Variants in CTNNA3 observed in about 807,000 individuals in gnomAD.
CTNNA3 encodes catenin alpha 3.
Under a neutral mutation model 95.7 loss-of-function variants are expected in CTNNA3, and 76 were observed. The observed-to-expected ratio is 0.79, with a 90% CI of 0.66 to 0.96. CTNNA3 has a LOEUF of 0.96. CTNNA3 is among the 40% of genes least tolerant of loss of function. CTNNA3 has a pLI of 0.00. For synonymous variants in CTNNA3, 431 were observed against 374.4 expected, an observed-to-expected ratio of 1.15 and a Z score of -1.74; for missense variants, 1,191 against 1,089.8, an observed-to-expected ratio of 1.09 and a Z score of -1.31.
At chr10:66,561,348 C>G (rs1842547399) in intron 10 of CTNNA3, among the ~76,000 whole-genome samples, 1 of 152,054 alleles carries the variant, frequency 6.6e-6, no homozygotes, top group South Asian at 2.1e-4. Context: ...TTACATCTAA[C>G]AATTATTATT....
intron 8 of CTNNA3, 69 bp from the exon 9 acceptor site, chr10:66,766,485 A>T: frequency 7.2e-7 from 1 of 1,382,246 alleles, no homozygotes; most frequent in Non-Finnish European, 9.9e-7. Flanking sequence ...CTTTTCTTAC[A>T]ATCTCAGTAG....
intron 3 of CTNNA3, among the ~76,000 whole-genome samples, chr10:67,579,922 T>C (rs1842319529): frequency 6.6e-6 from 1 of 152,212 alleles, no homozygotes; most frequent in South Asian, 2.1e-4. Context: ...TCTTGTAAAT[T>C]TGTTTAAGTT....
intron 7 of CTNNA3, among the ~76,000 whole-genome samples, chr10:66,805,416 T>G (rs1343716950): frequency 6.6e-6 from 1 of 151,276 alleles, no homozygotes; most frequent in Non-Finnish European, 1.5e-5. Context: ...TCTCATTTGT[T>G]TGAAGACTGA....
In CTNNA3 at chr10:65,920,371, A is replaced by G. The variant is rs751884087; in HGVS notation, c.2647T>C (p.Leu883=). The G allele has an allele frequency of 2.4e-5, 38 of 1,613,868 alleles. No homozygotes were observed. The highest frequency in any genetic ancestry group is 3.0e-5 in the Non-Finnish European group (35 of 1,179,980). ...RGSAKKKIHP[L]QVMSEFRGRQ... is the part of the protein sequence containing the mutation. ...CCTCTAAATTCACTCATGACTTGCA[A>G]TGGATGGATTTTTTTCTTTGCTGAG... is the stretch of plus-strand genomic sequence containing the variant. Residue 883 remains leucine (L), a synonymous_variant, in exon 18 of 18, where the codon TTG becomes CTG. Coordinates refer to ENST00000433211, the MANE Select transcript of CTNNA3 (RefSeq NM_013266.4).
intron 13 of CTNNA3, among the ~76,000 whole-genome samples, chr10:66,129,082 T>C (rs546994178): frequency 3.9e-5 from 6 of 152,136 alleles, no homozygotes; most frequent in South Asian, 2.1e-4. Flanking sequence ...CTGACCAACA[T>C]AGAGAAACAC....
chr10:67,187,282 T>G (rs1862897572), intron 6 of CTNNA3, among the ~76,000 whole-genome samples: 1 of 152,144 alleles, frequency 6.6e-6, no homozygotes, highest in Non-Finnish European at 1.5e-5. Flanking sequence ...AATTTATACA[T>G]GTGAAAACCG....
chr10:67,240,935 G>T (rs1035175702), intron 5 of CTNNA3, among the ~76,000 whole-genome samples: 5 of 152,080 alleles, frequency 3.3e-5, no homozygotes, highest in Non-Finnish European at 7.4e-5. Flanking sequence ...TTTGTCTATT[G>T]TTTGCTTAGA....
intron 5 of CTNNA3, chr10:67,346,815 A>G (rs1370841113): frequency 2.7e-6 from 1 of 364,238 alleles, no homozygotes; most frequent in African/African-American, 2.1e-5. Context: ...ATGAACTTAC[A>G]TTTAGAAACC....
intron 14 of CTNNA3, among the ~76,000 whole-genome samples, chr10:66,102,362 A>C (rs2081670131): frequency 6.6e-6 from 1 of 152,188 alleles, no homozygotes; most frequent in South Asian, 2.1e-4. Context: ...GACTCAGTTA[A>C]TTCCCACAGT....
At chr10:67,497,750 C>A (rs530604164) in intron 5 of CTNNA3, among the ~76,000 whole-genome samples, 5 of 152,308 alleles carry the variant, frequency 3.3e-5, no homozygotes, top group African/African-American at 1.2e-4. Context: ...AATATCTGTT[C>A]ATATCCTTCA....
chr10:66,790,798 T>C (rs55738481), intron 7 of CTNNA3, among the ~76,000 whole-genome samples: 20,086 of 152,076 alleles, frequency 0.13, 2,055 homozygotes, highest in African/African-American at 0.29. Context: ...TATCTTCATG[T>C]CCAAACCAAA....
chr10:66,467,386 G>C (rs1050594283), intron 11 of CTNNA3, among the ~76,000 whole-genome samples: 1 of 152,034 alleles, frequency 6.6e-6, no homozygotes, highest in Non-Finnish European at 1.5e-5. Flanking sequence ...TCTATGCAAT[G>C]ACTGATTTTT....
intron 11 of CTNNA3, among the ~76,000 whole-genome samples, chr10:66,513,640 A>G (rs1173557401): frequency 6.6e-6 from 1 of 152,282 alleles, no homozygotes; most frequent in Non-Finnish European, 1.5e-5. Flanking sequence ...TTAAGCCCTA[A>G]GTGGCACGTT....
chr10:66,449,742 C>T (rs117750915), intron 11 of CTNNA3, among the ~76,000 whole-genome samples: 33 of 151,950 alleles, frequency 2.2e-4, no homozygotes, highest in Middle Eastern at 3.4e-3. Context: ...ACTCAAAGTC[C>T]GGCAATATAT....
intron 3 of CTNNA3, among the ~76,000 whole-genome samples, chr10:67,566,539 G>A (rs1311561768): frequency 6.6e-6 from 1 of 152,128 alleles, no homozygotes; most frequent in East Asian, 1.9e-4. Flanking sequence ...TGGAGAGGAT[G>A]TGGAGAAATA....
chr10:67,692,404 C>T (rs568133554), intron 1 of CTNNA3, among the ~76,000 whole-genome samples: 2 of 135,846 alleles, frequency 1.5e-5, no homozygotes, highest in Non-Finnish European at 3.2e-5. Context: ...AAGAAAAATT[C>T]TTCTGCCTTG....
At chr10:66,617,996 A>G (rs1195884809) in intron 10 of CTNNA3, among the ~76,000 whole-genome samples, 2 of 151,684 alleles carry the variant, frequency 1.3e-5, no homozygotes, top group Non-Finnish European at 2.9e-5. Flanking sequence ...TAGGAATCCA[A>G]CTTACAAGGG....
At chr10:67,268,308 A>ATAAATTAAATTAAATTAAATTAAAT (rs200272425) in intron 5 of CTNNA3, among the ~76,000 whole-genome samples, 4 of 126,880 alleles carry the variant, frequency 3.2e-5, no homozygotes, top group African/African-American at 1.5e-4. Context: ...CTCTACAAAA[A>ATAAATTAAATTAAATTAAATTAAAT]TAAATTAAAT....
intron 9 of CTNNA3, among the ~76,000 whole-genome samples, chr10:66,747,685 G>A (rs778507580): frequency 1.9e-4 from 29 of 152,066 alleles, no homozygotes; most frequent in South Asian, 2.1e-4. Flanking sequence ...CATATACTGG[G>A]GGATTTAGAA....
Sources: allele counts gnomAD v4.1 joint callset (sites outside exome capture counted in the v4.1 genomes callset), GRCh38; gene constraint gnomAD v4.1.1; transcripts MANE v1.5; gene names NCBI Gene and HGNC (gene_info 2026-07-23, HGNC 2026-07-21).